Variants in MYL10 observed in about 807,000 individuals in gnomAD.
The protein encoded by MYL10 is myosin light chain 10.
A neutral mutation model predicts 21.9 loss-of-function variants in MYL10; 18 were observed. The observed-to-expected ratio is 0.82, with a 90% CI of 0.57 to 1.22. MYL10 has a LOEUF of 1.22. Ranked by LOEUF, MYL10 falls within the 50% of genes most tolerant of loss-of-function variation. The pLI, the probability that MYL10 is intolerant of heterozygous loss-of-function variation, is 0.00. For missense variants in MYL10, 225 were observed against 230.4 expected (o/e 0.98, Z 0.15); for synonymous variants, 88 against 82.8 (o/e 1.06, Z -0.34).
chr7:101,626,274 C>CA (rs1796745051), intron 1 of MYL10, among the ~76,000 whole-genome samples: 1 of 152,220 alleles, frequency 6.6e-6, no homozygotes, highest in Admixed American at 6.5e-5. Context: ...CACCTACGGA[C>CA]CTCCAGGCAG....
intron 6 of MYL10, 148 bp from the exon 7 acceptor site, chr7:101,613,858 C>G (rs893044774): frequency 2.1e-5 from 15 of 729,862 alleles, no homozygotes; most frequent in Admixed American, 4.9e-5. Flanking sequence ...GCCAGCCCCC[C>G]CGATGGCCAA....
intron 6 of MYL10, 38 bp downstream of exon 6, chr7:101,616,182 T>C: frequency 6.3e-7 from 1 of 1,589,462 alleles, no homozygotes; most frequent in African/African-American, 1.3e-5. Flanking sequence ...AGCTGGCTTA[T>C]TCCCCTGAGC....
intron 1 of MYL10, among the ~76,000 whole-genome samples, chr7:101,628,724 G>T (rs1002177254): frequency 2.1e-4 from 32 of 152,346 alleles, no homozygotes; most frequent in Middle Eastern, 3.4e-3. Flanking sequence ...AGCTGCCAGG[G>T]CCGGCAGTGC....
At chr7:101,618,331 G>A (rs1395755459) in intron 5 of MYL10, among the ~76,000 whole-genome samples, 2 of 152,188 alleles carry the variant, frequency 1.3e-5, no homozygotes, top group African/African-American at 4.8e-5. Flanking sequence ...TGAGTGACCA[G>A]AGCATCACGT....
intron 1 of MYL10, among the ~76,000 whole-genome samples, chr7:101,626,259 T>C (rs1301413664): frequency 1.3e-5 from 2 of 152,182 alleles, no homozygotes; most frequent in Non-Finnish European, 2.9e-5. Flanking sequence ...AGGACATGTA[T>C]TAGACACCTA....
At chr7:101,622,044 G>A (rs371241347) in intron 5 of MYL10, 52 bp downstream of exon 5, 38 of 1,411,420 alleles carry the variant, frequency 2.7e-5, no homozygotes, top group African/African-American at 1.6e-4. Flanking sequence ...TCCTACATCC[G>A]TCCCCCTGCC....
chr7:101,613,613 G>T lies in MYL10; in HGVS notation c.583-40C>A, dbSNP rs112680296. The T allele has an allele frequency of 1.3e-4, 206 of 1,613,272 alleles. No individual in the cohort carries two copies. The African/African-American group carries it at 1.9e-3, about 15-fold the overall frequency. ...AGAGTCAGCCTGCACCAGGCCAAGT[G>T]GGGGCCAGAGCAGAGAATCCGCCGT... On this transcript the variant is annotated intron_variant, in intron 7 of 7. Transcript: ENST00000223167.
chr7:101,627,765 C>G (rs1796764077), intron 1 of MYL10, among the ~76,000 whole-genome samples: 1 of 152,216 alleles, frequency 6.6e-6, no homozygotes, highest in Admixed American at 6.5e-5. Flanking sequence ...GGGACCAAGA[C>G]CCAGGAAGGG....
At chr7:101,616,754 G>T (rs1859622) in intron 5 of MYL10, among the ~76,000 whole-genome samples, 15,505 of 152,124 alleles carry the variant, frequency 0.1, 1,539 homozygotes, top group East Asian at 0.53. Context: ...GCCGTGGGTG[G>T]AGGAAAAAGA....
intron 5 of MYL10, 86 bp downstream of exon 5, chr7:101,622,010 T>C: frequency 9.8e-7 from 1 of 1,017,176 alleles, no homozygotes; most frequent in Non-Finnish European, 1.5e-6. Context: ...ACCTGTGGTG[T>C]GTATGTGTGT....
At chr7:101,627,230 T>C (rs1796756638) in intron 1 of MYL10, among the ~76,000 whole-genome samples, 1 of 148,998 alleles carries the variant, frequency 6.7e-6, no homozygotes, top group Non-Finnish European at 1.5e-5. Context: ...AGCCAGGAGG[T>C]GGAGGTTGCA....
At chr7:101,624,088 G>A (rs1175476546) in intron 2 of MYL10, 67 bp from the exon 3 acceptor site, 6 of 792,504 alleles carry the variant, frequency 7.6e-6, no homozygotes, top group Admixed American at 1.9e-5. Flanking sequence ...TCGAGACTGA[G>A]GACTGAGCCT....
At chr7:101,618,573 T>C (rs1479226414) in intron 5 of MYL10, among the ~76,000 whole-genome samples, 1 of 152,212 alleles carries the variant, frequency 6.6e-6, no homozygotes, top group African/African-American at 2.4e-5. Context: ...AAAGAGCCTC[T>C]GTTCTTGAGA....
chr7:101,628,893 G>A, intron 1 of MYL10, 148 bp downstream of exon 1: 1 of 348,730 alleles, frequency 2.9e-6, no homozygotes, highest in South Asian at 2.1e-5. Context: ...ATACAACACA[G>A]AAGGTCAGGC....
intron 5 of MYL10, 63 bp from the exon 6 acceptor site, chr7:101,616,361 A>T: frequency 7.2e-7 from 1 of 1,384,908 alleles, no homozygotes; most frequent in Non-Finnish European, 1.0e-6. Context: ...AGGGACAGGC[A>T]CAAGGCTGGG....
rs1207955257 is a variant in MYL10, at chr7:101,613,495, G to A, written c.661C>T (p.His221Tyr). ...DYRNLCYVIT[H>Y]GEEKD ...ATCCCCTAATCCTTCTCTTCACCGTGAGTGATGACGTAGCACAGGTTTCTG... is the reference window on the plus strand; with the variant it reads ...ATCCCCTAATCCTTCTCTTCACCGTAAGTGATGACGTAGCACAGGTTTCTG... Residue 221 changes from histidine to tyrosine, a missense_variant, in exon 8 of 8, where the codon CAC becomes TAC. Physicochemically the swap from His to Tyr is moderately conservative, Grantham distance 83. Transcript: ENST00000223167. The A allele has an allele frequency of 6.2e-7, 1 of 1,613,878 alleles. No homozygotes were observed. Among genetic ancestry groups the A allele is most frequent in the Non-Finnish European group, 8.5e-7 (1 of 1,179,882 alleles).
intron 1 of MYL10, among the ~76,000 whole-genome samples, chr7:101,628,322 G>A (rs183988532): frequency 2.9e-3 from 447 of 152,262 alleles, no homozygotes; most frequent in African/African-American, 0.01. Flanking sequence ...CGAGCATGGT[G>A]GTGTGCTCTT....
At chr7:101,619,889 CAAAAAAA>C (rs60752793) in intron 5 of MYL10, among the ~76,000 whole-genome samples, 1 of 102,628 alleles carries the variant, frequency 9.7e-6, no homozygotes, top group Non-Finnish European at 1.8e-5. Flanking sequence ...GACTCCGTCT[CAAAAAAA>C]AAAAAAAAAA....
At chr7:101,623,297 G>C (rs1796702943) in intron 3 of MYL10, among the ~76,000 whole-genome samples, 1 of 152,170 alleles carries the variant, frequency 6.6e-6, no homozygotes, top group Admixed American at 6.5e-5. Flanking sequence ...CTGGCCCGAG[G>C]TCACACAGCA....
Sources: allele counts gnomAD v4.1 joint callset (sites outside exome capture counted in the v4.1 genomes callset), GRCh38; gene constraint gnomAD v4.1.1; transcripts MANE v1.5; gene names NCBI Gene and HGNC (gene_info 2026-07-23, HGNC 2026-07-21).